The following SLC18B1 variants were observed in gnomAD, a reference collection of about 807,000 sequenced individuals.
The protein encoded by SLC18B1 is solute carrier family 18 member B1.
A neutral mutation model predicts 53.9 loss-of-function variants in SLC18B1; 62 were observed. The ratio of observed to expected loss-of-function variants is 1.15; its 90% CI spans 0.94 to 1.42. The LOEUF is 1.42. Ranked by LOEUF, SLC18B1 falls within the 40% of genes most tolerant of loss-of-function variation. SLC18B1 has a pLI of 0.00. For missense variants in SLC18B1, 598 were observed against 547.3 expected (o/e 1.09, Z -0.93); for synonymous variants, 217 against 200.9 (o/e 1.08, Z -0.68).
At chr6:132,771,984 C>A in intron 11 of SLC18B1, 148 bp downstream of exon 11, 1 of 566,170 alleles carries the variant, frequency 1.8e-6, no homozygotes, top group South Asian at 2.3e-5. Context: ...CTCAGCTACT[C>A]AGGAGGCTGA....
chr6:132,771,574 A>G (rs751450717), intron 11 of SLC18B1, among the ~76,000 whole-genome samples: 17 of 152,322 alleles, frequency 1.1e-4, no homozygotes, highest in South Asian at 4.1e-4. Context: ...GGAACTTATA[A>G]ATACCACTCA....
intron 6 of SLC18B1, 25 bp from the exon 7 acceptor site, chr6:132,779,429 A>G (rs1240562073): frequency 6.5e-7 from 1 of 1,548,980 alleles, no homozygotes; most frequent in South Asian, 1.2e-5. Flanking sequence ...TGAAAAAAGA[A>G]AAAAAAAATG....
At chr6:132,774,525 C>G (rs1476853857) in intron 8 of SLC18B1, among the ~76,000 whole-genome samples, 1 of 152,082 alleles carries the variant, frequency 6.6e-6, no homozygotes, top group Non-Finnish European at 1.5e-5. Flanking sequence ...GAACAAAGGA[C>G]AAAGATTTCT....
rs1445978811 is a variant in SLC18B1 at position 132,798,487 on chromosome 6, C to A, written c.-31G>T. ...GTGCGTGGACTCCGGCGCCCCAGCT[C>A]CCGGCTTCAAGCCACGTCCTTGGAC... On this transcript the variant is annotated 5_prime_UTR_variant, in exon 1 of 14. Coordinates refer to ENST00000275227, the MANE Select transcript of SLC18B1 (RefSeq NM_052831.3). 1.4e-6 allele frequency: 2 copies of A among 1,481,268 alleles called. No homozygotes were observed. Among genetic ancestry groups the A allele is most frequent in the Non-Finnish European group, 1.8e-6 (2 of 1,111,764 alleles). The allele number at this position is 1,481,268 out of a possible 1,614,324, so 91.8% of individuals were successfully genotyped here.
Position 132,790,005 on chromosome 6 carries a change from GAA to G in SLC18B1, c.279+170_280-169del, listed in dbSNP as rs1330611267. Among the ~76,000 whole-genome samples the G allele has an allele frequency of 2.0e-5, 3 of 152,210 alleles. No homozygotes were observed. The East Asian group carries it at 5.8e-4, about 29-fold the overall frequency. On this transcript the variant is annotated intron_variant, in intron 3 of 13. Transcript: ENST00000275227. ...ACAGTACTCATTGCTTAAAAACATG[GAA>G]AGAGTTAAAAATCAATCAACTCTGA...
intron 7 of SLC18B1, among the ~76,000 whole-genome samples, chr6:132,777,909 G>T (rs1037025661): frequency 9.2e-5 from 14 of 152,112 alleles, no homozygotes; most frequent in African/African-American, 3.4e-4. Context: ...TGTCACACGC[G>T]TCCGTGTAAA....
At chr6:132,777,888 T>C (rs932807913) in intron 7 of SLC18B1, among the ~76,000 whole-genome samples, 3 of 152,310 alleles carry the variant, frequency 2.0e-5, no homozygotes, top group Non-Finnish European at 2.9e-5. Context: ...ATAAAACATT[T>C]TTCTTATGGG....
chr6:132,771,247 G>A, intron 11 of SLC18B1, 118 bp from the exon 12 acceptor site: 1 of 879,012 alleles, frequency 1.1e-6, no homozygotes, highest in East Asian at 2.5e-5. Context: ...AAGTACTAAA[G>A]ATAAAGCTAA....
Position 132,798,527 on chromosome 6 carries a change from G to A in SLC18B1, c.-71C>T, listed in dbSNP as rs942761030. On this transcript the variant is annotated 5_prime_UTR_variant, in exon 1 of 14. Coordinates refer to ENST00000275227, the MANE Select transcript of SLC18B1 (RefSeq NM_052831.3). ...CGTCCTTGGACTCGACCTCCAAGGA[G>A]CCACTGGCACTCTGGCGGGCGGCCG... 2.0e-5 allele frequency: 27 copies of A among 1,372,020 alleles called. No homozygotes were observed. The highest frequency in any genetic ancestry group is 1.9e-6 in the Non-Finnish European group (2 of 1,047,040). 85.0% of individuals were successfully genotyped at this position (1,372,020 alleles called of 1,614,324 possible).
In SLC18B1 at chr6:132,770,065, A is replaced by G; in HGVS notation, c.*205T>C. On this transcript the variant is annotated 3_prime_UTR_variant, in exon 14 of 14. Transcript: ENST00000275227. ...TCCTTTCATACTTAATATTTCAAAT[A>G]TAGCTGCTTCAGCAGGACAGCTTTT... 1 of 402,938 alleles carries G rather than the reference A, an allele frequency of 2.5e-6. No individual in the cohort carries two copies. 25.0% of individuals were successfully genotyped at this position (402,938 alleles called of 1,614,324 possible).
At chr6:132,796,760 T>A (rs188493244) in intron 2 of SLC18B1, among the ~76,000 whole-genome samples, 93 of 152,290 alleles carry the variant, frequency 6.1e-4, no homozygotes, top group South Asian at 1.9e-3. Context: ...TCAACTACTT[T>A]TAGGTGAATT....
intron 2 of SLC18B1, among the ~76,000 whole-genome samples, chr6:132,792,288 AAAGGAAGGAAGG>A (rs1167820594): frequency 9.8e-4 from 39 of 39,926 alleles, no homozygotes; most frequent in Admixed American, 1.3e-3. Flanking sequence ...AGAAAGGAAG[AAAGGAAGGAAGG>A]AAGGAAGGAA....
chr6:132,779,607 T>C (rs1781179474), intron 6 of SLC18B1, among the ~76,000 whole-genome samples: 1 of 152,126 alleles, frequency 6.6e-6, no homozygotes, highest in Non-Finnish European at 1.5e-5. Flanking sequence ...TTAAAAACAA[T>C]TTCCCAAGTT....
intron 2 of SLC18B1, 120 bp downstream of exon 2, chr6:132,796,862 C>A: frequency 9.4e-7 from 1 of 1,067,490 alleles, no homozygotes; most frequent in Non-Finnish European, 1.3e-6. Context: ...GTTCTATACA[C>A]CATCTGTCCT....
At chr6:132,796,532 GAAAAAAAA>G (rs56286125) in intron 2 of SLC18B1, among the ~76,000 whole-genome samples, 6 of 77,890 alleles carry the variant, frequency 7.7e-5, no homozygotes, top group Non-Finnish European at 1.4e-4. Context: ...GTCTCGAAAG[GAAAAAAAA>G]AAAAAAAAAA....
rs142325830 is a variant in SLC18B1, at chr6:132,788,228, T to G, written c.354-647A>C. Among the ~76,000 whole-genome samples, 57 of 151,296 alleles carry G rather than the reference T, an allele frequency of 3.8e-4. No homozygotes were observed. In the East Asian group the frequency reaches 0.011, roughly 29 times the overall value. Reference sequence around the variant, plus strand: ...ATAGCAATAAATACTGGCCCATCTGTAACTTGGTCCAATACACTAAAAAGG... The same window carrying G: ...ATAGCAATAAATACTGGCCCATCTGGAACTTGGTCCAATACACTAAAAAGG... On this transcript the variant is annotated intron_variant, in intron 4 of 13. Transcript: ENST00000275227.
chr6:132,774,706 T>C (rs1213507763), intron 8 of SLC18B1, among the ~76,000 whole-genome samples: 2 of 152,230 alleles, frequency 1.3e-5, no homozygotes, highest in East Asian at 3.9e-4. Flanking sequence ...CTCACAAGTT[T>C]GAGACCAGAC....
intron 10 of SLC18B1, 116 bp from the exon 11 acceptor site, chr6:132,772,322 C>T (rs1025096218): frequency 1.8e-6 from 1 of 556,380 alleles, no homozygotes; most frequent in East Asian, 3.2e-5. Context: ...AAACCAACAG[C>T]AAGAATACTC....
chr6:132,794,445 C>T (rs1285558632), intron 2 of SLC18B1, among the ~76,000 whole-genome samples: 1 of 151,978 alleles, frequency 6.6e-6, no homozygotes, highest in East Asian at 1.9e-4. Flanking sequence ...CCAAGTCTGG[C>T]CAGACTGCTC....
Sources: allele counts gnomAD v4.1 joint callset (sites outside exome capture counted in the v4.1 genomes callset), GRCh38; gene constraint gnomAD v4.1.1; transcripts MANE v1.5; gene names NCBI Gene and HGNC (gene_info 2026-07-23, HGNC 2026-07-21).